The following NKPD1 variants were observed in gnomAD, a reference collection of about 807,000 sequenced individuals.
The protein encoded by NKPD1 is NTPase KAP family P-loop domain-containing protein 1.
A neutral mutation model predicts 42.2 loss-of-function variants in NKPD1; 37 were observed. The observed-to-expected ratio is 0.88, with a 90% CI of 0.67 to 1.15. The LOEUF is 1.15. Among genes scored for constraint, NKPD1 ranks in the 50% most tolerant of loss-of-function variants. The probability of loss-of-function intolerance (pLI) is 0.00; values close to 1 mark genes in which losing one functional copy is unlikely to be tolerated. For missense variants in NKPD1, 1,113 were observed against 1,174.6 expected (o/e 0.95, Z 0.77); for synonymous variants, 552 against 536.5 (o/e 1.03, Z -0.40).
At chr19:45,154,242 T>G (rs755749884) in intron 4 of NKPD1, among the ~76,000 whole-genome samples, 3 of 152,164 alleles carry the variant, frequency 2.0e-5, no homozygotes, top group African/African-American at 2.4e-5. Context: ...CTTATCTTGT[T>G]GACTTAACTG....
chr19:45,156,247 T>G (rs528414632), intron 3 of NKPD1, among the ~76,000 whole-genome samples: 1 of 152,098 alleles, frequency 6.6e-6, no homozygotes, highest in East Asian at 1.9e-4. Context: ...CCGGGGAAAA[T>G]CCCAAAGGCC....
rs1599718689 is a variant in NKPD1 at position 45,152,134 on chromosome 19, G to A, written c.2303C>T (p.Pro768Leu). 2 of 1,601,354 alleles carry A rather than the reference G, an allele frequency of 1.2e-6. No individual in the cohort carries two copies. Among genetic ancestry groups the A allele is most frequent in the Admixed American group, 1.7e-5 (1 of 58,548 alleles). Residue 768 changes from proline to leucine, a missense_variant, in exon 5 of 5, where the codon CCG becomes CTG. By Grantham distance (98) the Pro-to-Leu change is moderately conservative. This residue lies in a region of NKPD1 where 867 missense variants were observed against 870.1 expected (regional missense o/e 1.00). Transcript: ENST00000686631. ...RAVSALKPPSPPKSPTRDTPH... is the reference protein window; with the variant it reads ...RAVSALKPPSLPKSPTRDTPH... The stretch of plus-strand genomic sequence containing the variant: ...GGTATCGCGGGTAGGGGACTTGGGC[G>A]GGCTGGGCGGCTTGAGCGCGCTGAC...
rs764665575 is a variant in NKPD1 at position 45,152,739 on chromosome 19, G to A, written c.1698C>T (p.Ala566=). ...MTRKPWLPGD[A]GGESAQLLAV... ...CCAGCAGCTGCGCGCTCTCGCCCCC[G>A]GCGTCCCCCGGCAGCCACGGCTTGC... The change falls in exon 5 of 5, where the codon GCC becomes GCT. Residue 566 remains alanine, a synonymous_variant. Coordinates refer to ENST00000686631, the MANE Select transcript of NKPD1 (RefSeq NM_198478.4). 8 of 1,587,204 alleles carry A rather than the reference G, an allele frequency of 5.0e-6. No homozygotes were observed. Among genetic ancestry groups the A allele is most frequent in the East Asian group, 2.3e-5 (1 of 43,184 alleles).
At position 45,155,856 on chromosome 19, in the gene NKPD1, G is replaced by A. The variant is rs1459085165; in HGVS notation, c.590C>T (p.Pro197Leu). The change falls in exon 4 of 5, where the codon CCG (proline) becomes CTG (leucine). Residue 197 changes from proline to leucine, a missense_variant. This residue lies in a region of NKPD1 where 42 missense variants were observed against 76.7 expected (regional missense o/e 0.55). Coordinates refer to ENST00000686631, the MANE Select transcript of NKPD1 (RefSeq NM_198478.4). ...SCLAKTLCHVPVPVTVGFYAP... is the reference protein window; with the variant it reads ...SCLAKTLCHVLVPVTVGFYAP... ...ATAGAAACCCACGGTCACAGGGACC[G>A]GCACGTGGCAGAGTGTCTTGGCCAG... 3.4e-5 allele frequency: 45 copies of A among 1,305,248 alleles called. No individual in the cohort carries two copies. Among genetic ancestry groups the A allele is most frequent in the Non-Finnish European group, 4.4e-5 (44 of 988,894 alleles). The allele number at this position is 1,305,248 out of a possible 1,614,324, so 80.9% of individuals were successfully genotyped here.
intron 4 of NKPD1, 119 bp downstream of exon 4, chr19:45,155,666 G>T: frequency 9.8e-7 from 1 of 1,019,846 alleles, no homozygotes; most frequent in Non-Finnish European, 1.3e-6. Flanking sequence ...CTTGGGGAGG[G>T]CCTGGGCTGG....
chr19:45,152,701 T>G lies in NKPD1; in HGVS notation c.1736A>C (p.Gln579Pro), dbSNP rs1345558151. 1 of 1,553,588 alleles carries G rather than the reference T, an allele frequency of 6.4e-7. No homozygotes were observed. The highest frequency in any genetic ancestry group is 1.7e-4 in the Middle Eastern group (1 of 5,918). The change falls in exon 5 of 5, where the codon CAG (glutamine) becomes CCG (proline). Residue 579 changes from glutamine (Q) to proline (P), a missense_variant. By Grantham distance (76) the Gln-to-Pro change is moderately conservative (BLOSUM62 -1). Coordinates refer to ENST00000686631, the MANE Select transcript of NKPD1 (RefSeq NM_198478.4). ...ESAQLLAVQA[Q>P]AGTERGQGRI... ...GCCCTGCCCGCGCTCCGTCCCCGCC[T>G]GCGCCTGCACCGCCAGCAGCTGCGC... is the stretch of plus-strand genomic sequence containing the variant.
chr19:45,155,191 G>A (rs972611664), intron 4 of NKPD1, among the ~76,000 whole-genome samples: 5 of 148,386 alleles, frequency 3.4e-5, no homozygotes, highest in Non-Finnish European at 6.0e-5. Flanking sequence ...GGTGGTGAGC[G>A]CCTGTAATCC....
rs773984225 is a variant in NKPD1, at chr19:45,152,712, C to T, written c.1725G>A (p.Ala575=). ...GCTCCGTCCCCGCCTGCGCCTGCAC[C>T]GCCAGCAGCTGCGCGCTCTCGCCCC... The part of the protein sequence containing the change: ...DAGGESAQLL[A]VQAQAGTERG... Residue 575 remains alanine (A), a synonymous_variant, in exon 5 of 5, where the codon GCG becomes GCA. Transcript: ENST00000686631. The T allele has an allele frequency of 1.9e-6, 3 of 1,564,706 alleles. No individual in the cohort carries two copies. The highest frequency in any genetic ancestry group is 2.6e-6 in the Non-Finnish European group (3 of 1,160,250).
At position 45,153,542 on chromosome 19, in the gene NKPD1, T is replaced by C; in HGVS notation, c.895A>G (p.Thr299Ala). ...TGGCGGCGGATGCCCTCGCACAACGTGGTCACCAGGCCGGCCCACAGCTTG... is the reference window on the plus strand; with the variant it reads ...TGGCGGCGGATGCCCTCGCACAACGCGGTCACCAGGCCGGCCCACAGCTTG... ...TDKLWAGLVT[T>A]LCEGIRRHYG... is the part of the protein sequence containing the mutation. The change falls in exon 5 of 5, where the codon ACG becomes GCG. Residue 299 changes from threonine (T) to alanine (A), a missense_variant. By Grantham distance (58) the Thr-to-Ala change is moderately conservative. Coordinates refer to ENST00000686631, the MANE Select transcript of NKPD1 (RefSeq NM_198478.4). The C allele has an allele frequency of 1.0e-5, 16 of 1,552,026 alleles. No homozygotes were observed. The highest frequency in any genetic ancestry group is 1.4e-5 in the Non-Finnish European group (16 of 1,146,862).
chr19:45,162,152 C>T (rs113466049), upstream of NKPD1, among the ~76,000 whole-genome samples: 6,433 of 152,202 alleles, frequency 0.042, 436 homozygotes, highest in African/African-American at 0.15. Context: ...TGTAAATGAG[C>T]CGTCTCCGCA....
At chr19:45,159,658 T>C (rs1370519131) in intron 2 of NKPD1, among the ~76,000 whole-genome samples, 1 of 151,904 alleles carries the variant, frequency 6.6e-6, no homozygotes, top group Non-Finnish European at 1.5e-5. Flanking sequence ...CACTGCCCCC[T>C]CCCCACCCTG....
upstream of NKPD1, among the ~76,000 whole-genome samples, chr19:45,162,072 C>T (rs575497519): frequency 2.6e-5 from 4 of 152,144 alleles, no homozygotes; most frequent in Non-Finnish European, 4.4e-5. Context: ...GGCATCTGAG[C>T]GTGGGCATCT....
At position 45,151,851 on chromosome 19, in the gene NKPD1, T is replaced by C; in HGVS notation, c.*87A>G. The stretch of plus-strand genomic sequence containing the variant: ...GGCCTCACAGGGCTCATTCGGACCC[T>C]GGGTTGCGGCCCCAGTCCAGCCCCC... On this transcript the variant is annotated 3_prime_UTR_variant, in exon 5 of 5. Transcript: ENST00000686631. 7.3e-7 allele frequency: 1 copy of C among 1,374,944 alleles called. No homozygotes were observed. Among genetic ancestry groups the C allele is most frequent in the Non-Finnish European group, 9.6e-7 (1 of 1,038,162 alleles). The allele number at this position is 1,374,944 out of a possible 1,614,324, so 85.2% of individuals were successfully genotyped here. A position where few individuals can be genotyped will look rare whatever the true frequency, so the allele number is the denominator to read the frequency against.
chr19:45,158,907 G>C lies in NKPD1; in HGVS notation c.285C>G (p.Pro95=). ...QPQSQPSPPS[P]LRQRLCPIHE... is the part of the protein sequence containing the mutation. ...GAATGGGGCAGAGCCGCTGCCGCAG[G>C]GGGCTGGGAGGTGAGGGCTGGGACT... The change falls in exon 3 of 5, where the codon CCC becomes CCG. Residue 95 remains proline (P), a synonymous_variant. Coordinates refer to ENST00000686631, the MANE Select transcript of NKPD1 (RefSeq NM_198478.4). This position sits in a 1 kb window ranked among gnomAD's most constrained non-coding sequence, Gnocchi z 4.6. 2.3e-6 allele frequency: 3 copies of C among 1,293,680 alleles called. No homozygotes were observed. Among genetic ancestry groups the C allele is most frequent in the Non-Finnish European group, 3.0e-6 (3 of 983,900 alleles). The allele number at this position is 1,293,680 out of a possible 1,614,324, so 80.1% of individuals were successfully genotyped here.
At position 45,150,902 on chromosome 19, in the gene NKPD1, C is replaced by T. The variant is rs1599717586; in HGVS notation, c.*1036G>A. The T allele has an allele frequency of 6.6e-6, 1 of 152,332 alleles. No individual in the cohort carries two copies. Among genetic ancestry groups the T allele is most frequent in the African/African-American group, 2.4e-5 (1 of 41,460 alleles). The allele number at this position is 152,332 out of a possible 1,614,324, so 9.4% of individuals were successfully genotyped here. The stretch of plus-strand genomic sequence containing the variant: ...CCTCAGGGCCCTGGCTCAGAAGCCA[C>T]ACCCTCAGCCTCATCCCAGGGTATG... On this transcript the variant is annotated 3_prime_UTR_variant, in exon 5 of 5. Transcript: ENST00000686631.
At chr19:45,160,524 G>A (rs1428489000) in intron 1 of NKPD1, among the ~76,000 whole-genome samples, 2 of 152,044 alleles carry the variant, frequency 1.3e-5, no homozygotes, top group Non-Finnish European at 2.9e-5. Context: ...TAGGGGGTCC[G>A]GTGTGGTGGC....
Position 45,153,749 on chromosome 19 carries a change from G to T in NKPD1, c.688C>A (p.Arg230Ser). The T allele has an allele frequency of 2.0e-6, 3 of 1,503,572 alleles. No individual in the cohort carries two copies. Among genetic ancestry groups the T allele is most frequent in the South Asian group, 1.2e-5 (1 of 81,642 alleles). The allele number at this position is 1,503,572 out of a possible 1,614,324, so 93.1% of individuals were successfully genotyped here. ...ACGTGCTGCAGCTCCTCGCTCTCGC[G>T]CTGCGCGGCCTCCTGCTGCATCAGC... is the stretch of plus-strand genomic sequence containing the variant. ...TALMQQEAAQ[R>S]ESEELQHVQW... is the part of the protein sequence containing the mutation. Residue 230 changes from arginine (R) to serine (S), a missense_variant, in exon 5 of 5, where the codon CGC (arginine) becomes AGC (serine). Arg to Ser is a moderately radical substitution (Grantham distance 110, BLOSUM62 -1). Coordinates refer to ENST00000686631, the MANE Select transcript of NKPD1 (RefSeq NM_198478.4).
At chr19:45,157,727 T>TTTTTTTTTTTTTTTTTTG (rs1968930523) in intron 3 of NKPD1, among the ~76,000 whole-genome samples, 1 of 137,908 alleles carries the variant, frequency 7.3e-6, no homozygotes. Flanking sequence ...TACTTTTTTT[T>TTTTTTTTTTTTTTTTTTG]TTTTTTTTTT....
At chr19:45,159,188 C>A in intron 2 of NKPD1, 88 bp from the exon 3 acceptor site, 1 of 1,189,032 alleles carries the variant, frequency 8.4e-7, no homozygotes, top group Admixed American at 3.7e-5. Context: ...TCAGGTAGAA[C>A]CTGGGGGCCA....
Sources: allele counts gnomAD v4.1 joint callset (sites outside exome capture counted in the v4.1 genomes callset), GRCh38; gene constraint gnomAD v4.1.1; regional missense constraint gnomAD v4.1.1; non-coding constraint Gnocchi (gnomAD v3.1); transcripts MANE v1.5; gene names NCBI Gene and HGNC (gene_info 2026-07-23, HGNC 2026-07-21).